IQANK1: variants seen among roughly 807,000 people sequenced by gnomAD.
The protein encoded by IQANK1 is IQ motif and ankyrin repeat domain-containing protein 1.
IQANK1 carries 30 observed loss-of-function variants against 22.6 expected under a neutral mutation model. The ratio of observed to expected loss-of-function variants is 1.33; its 90% CI spans 0.99 to 1.80. The LOEUF is 1.80. Ranked by LOEUF, IQANK1 falls within the 40% of genes most tolerant of loss-of-function variation. The pLI is 0.00. For synonymous variants in IQANK1, 122 were observed against 99.6 expected (o/e 1.23, Z -1.34); for missense variants, 275 against 235.2 (o/e 1.17, Z -1.11).
At chr8:143,788,452 G>A (rs1009941555) in intron 7 of IQANK1, among the ~76,000 whole-genome samples, 8 of 152,340 alleles carry the variant, frequency 5.3e-5, no homozygotes, top group East Asian at 3.9e-4. Context: ...AGGCAGCGGC[G>A]GCCCCAGGGA....
Position 143,774,177 on chromosome 8 carries a change from CAAA to C in IQANK1, c.789+1708_789+1710del, listed in dbSNP as rs61709186. On this transcript the variant is annotated intron_variant, in intron 7 of 13. Transcript: ENST00000527139. The surrounding 1 kb of genome is among the most constrained non-coding windows in gnomAD (Gnocchi z 4.2). Reference sequence around the variant, plus strand: ...TGGACATGACACAAAAAGCACAATCCAAAAAAAAAAAAAAACCACATTGATAAA... The same window carrying C: ...TGGACATGACACAAAAAGCACAATCCAAAAAAAAAAAACCACATTGATAAA... Among the ~76,000 whole-genome samples the C allele has an allele frequency of 5.9e-5, 8 of 136,532 alleles. No homozygotes were observed. The highest frequency in any genetic ancestry group is 1.4e-4 in the Admixed American group (2 of 14,064). The allele number at this position is 136,532 out of a possible 152,430, so 89.6% of individuals were successfully genotyped here.
chr8:143,768,054 TG>T (rs1402086894), intron 3 of IQANK1, among the ~76,000 whole-genome samples: 6 of 151,148 alleles, frequency 4.0e-5, no homozygotes, highest in Non-Finnish European at 8.9e-5. Context: ...AGCTAATTTT[TG>T]TACTTTTAGT....
chr8:143,747,169 G>GCGCC (rs1563769679), intron 3 of IQANK1, among the ~76,000 whole-genome samples: 1 of 152,154 alleles, frequency 6.6e-6, no homozygotes, highest in African/African-American at 2.4e-5. Context: ...GTGAGCCACC[G>GCGCC]CGCCCGGCCT....
rs537164119 is a variant in IQANK1 at position 143,762,966 on chromosome 8, T to C, written c.176-8522T>C. On this transcript the variant is annotated intron_variant, in intron 3 of 13. Coordinates refer to ENST00000527139, the MANE Select transcript of IQANK1 (RefSeq NM_001381874.1). The stretch of plus-strand genomic sequence containing the variant: ...TTTTTTTTTCTTTTCTCTTTTCTTT[T>C]CTTTCCTTTCCTTTCCTTTTGTTTT... Among the ~76,000 whole-genome samples the C allele has an allele frequency of 1.6e-4, 24 of 150,088 alleles. No homozygotes were observed. In the East Asian group the frequency reaches 3.1e-3, roughly 19 times the overall value.
chr8:143,788,971 G>A lies in IQANK1; in HGVS notation c.846G>A (p.Thr282=), dbSNP rs1026511816. The A allele has an allele frequency of 5.0e-6, 2 of 399,458 alleles. No homozygotes were observed. Among genetic ancestry groups the A allele is most frequent in the Non-Finnish European group, 8.8e-6 (2 of 226,356 alleles). The allele number at this position is 399,458 out of a possible 1,614,324, so 24.7% of individuals were successfully genotyped here. A position where few individuals can be genotyped will look rare whatever the true frequency, so the allele number is the denominator to read the frequency against. The change falls in exon 8 of 14, where the codon ACG becomes ACA. Residue 282 remains threonine, a synonymous_variant. Transcript: ENST00000527139. Reference sequence around the variant, plus strand: ...TGCGCTCGTGGGACCTGAGCCTCACGGAGGCCATGCTCCAGAACATGGAGG... The same window carrying A: ...TGCGCTCGTGGGACCTGAGCCTCACAGAGGCCATGCTCCAGAACATGGAGG... ...SVLRSWDLSL[T]EAMLQNMEAE... is the part of the protein sequence containing the mutation.
At chr8:143,788,643 G>A (rs1021304605) in intron 7 of IQANK1, among the ~76,000 whole-genome samples, 2 of 152,230 alleles carry the variant, frequency 1.3e-5, no homozygotes, top group African/African-American at 4.8e-5. Context: ...GGGGAAGGAA[G>A]CCCTTGGAGG....
At chr8:143,749,560 T>C (rs1225713119) in intron 3 of IQANK1, among the ~76,000 whole-genome samples, 4 of 134,284 alleles carry the variant, frequency 3.0e-5, no homozygotes, top group African/African-American at 8.3e-5. Context: ...ATATATATCA[T>C]ATATATCAAT....
intron 7 of IQANK1, among the ~76,000 whole-genome samples, chr8:143,778,879 A>G (rs1160921371): frequency 3.3e-5 from 5 of 152,196 alleles, no homozygotes; most frequent in Non-Finnish European, 7.3e-5. Flanking sequence ...CTCCTGCCTC[A>G]GCCTCCAGAG....
Position 143,741,196 on chromosome 8 carries a change from G to A in IQANK1, c.175+1248G>A, listed in dbSNP as rs910473714. Among the ~76,000 whole-genome samples, 6 of 152,314 alleles carry A rather than the reference G, an allele frequency of 3.9e-5. No individual in the cohort carries two copies. The East Asian group carries it at 9.7e-4, about 25-fold the overall frequency. On this transcript the variant is annotated intron_variant, in intron 3 of 13. Coordinates refer to ENST00000527139, the MANE Select transcript of IQANK1 (RefSeq NM_001381874.1). ...CCCCATTTTGCTTTCTGTAGTTTGA[G>A]GTGGACTCCTAGCCTTCCTCCAGGA...
intron 3 of IQANK1, among the ~76,000 whole-genome samples, chr8:143,764,541 G>T (rs1356287264): frequency 2.0e-5 from 3 of 151,830 alleles, no homozygotes; most frequent in Admixed American, 2.0e-4. Flanking sequence ...GGTCAAGGCT[G>T]CAGTGAGCCG....
chr8:143,781,597 G>A (rs1819799389), intron 7 of IQANK1, among the ~76,000 whole-genome samples: 1 of 152,154 alleles, frequency 6.6e-6, no homozygotes, highest in African/African-American at 2.4e-5. Context: ...CCCATTGCTT[G>A]TTTTTGTCAG....
chr8:143,742,845 C>G (rs782775827), intron 3 of IQANK1: 2 of 456,034 alleles, frequency 4.4e-6, no homozygotes, highest in Admixed American at 2.3e-5. Context: ...CAAACATGGC[C>G]TGTGCTGCTG....
At chr8:143,750,834 A>T (rs1295243282) in intron 3 of IQANK1, among the ~76,000 whole-genome samples, 3 of 152,172 alleles carry the variant, frequency 2.0e-5, no homozygotes, top group African/African-American at 4.8e-5. Context: ...AAAATAAAAT[A>T]AAATTAATAA....
chr8:143,763,494 G>A (rs1472856247), intron 3 of IQANK1, among the ~76,000 whole-genome samples: 1 of 152,172 alleles, frequency 6.6e-6, no homozygotes, highest in African/African-American at 2.4e-5. Context: ...GGTGGGAGGT[G>A]TTTGGATCAT....
At position 143,786,816 on chromosome 8, in the gene IQANK1, G is replaced by A. The variant is rs149656397; in HGVS notation, c.790-2099G>A. Among the ~76,000 whole-genome samples, 918 of 152,276 alleles carry A rather than the reference G, an allele frequency of 6.0e-3. 10 individuals carry two copies. Among genetic ancestry groups the A allele is most frequent in the African/African-American group, 0.021 (862 of 41,542 alleles). On this transcript the variant is annotated intron_variant, in intron 7 of 13. Coordinates refer to ENST00000527139, the MANE Select transcript of IQANK1 (RefSeq NM_001381874.1). ...GAGAACTTGGAGGGGAGGGAATGAGGGCTGTGAACGCCTGAGGAGCTTCCA... is the reference window on the plus strand; with the variant it reads ...GAGAACTTGGAGGGGAGGGAATGAGAGCTGTGAACGCCTGAGGAGCTTCCA...
At chr8:143,751,267 A>G (rs569050740) in intron 3 of IQANK1, among the ~76,000 whole-genome samples, 1 of 152,220 alleles carries the variant, frequency 6.6e-6, no homozygotes, top group South Asian at 2.1e-4. Flanking sequence ...AAGTGGAGTT[A>G]CAAACCAAAA....
intron 2 of IQANK1, among the ~76,000 whole-genome samples, chr8:143,738,697 C>T (rs547837414): frequency 2.0e-5 from 3 of 152,128 alleles, no homozygotes; most frequent in Non-Finnish European, 2.9e-5. Context: ...CAATGCCCCC[C>T]GCCCCCGCCC....
At chr8:143,759,424 T>G (rs1554628727) in intron 3 of IQANK1, 1 of 153,144 alleles carries the variant, frequency 6.5e-6, no homozygotes, top group African/African-American at 2.4e-5. Flanking sequence ...ACTCCCGCTC[T>G]TCCTGCCTGA....
chr8:143,779,707 T>C (rs2129934187), intron 7 of IQANK1, among the ~76,000 whole-genome samples: 1 of 152,384 alleles, frequency 6.6e-6, no homozygotes, highest in African/African-American at 2.4e-5. Flanking sequence ...TGGCAAGTTC[T>C]GAAGCTTATT....
Sources: gnomAD v4.1 joint callset for allele counts (sites outside exome capture counted in the v4.1 genomes callset) on GRCh38, gnomAD v4.1.1 for gene constraint, Gnocchi (gnomAD v3.1) non-coding constraint, MANE v1.5 for transcripts, NCBI Gene and HGNC (gene_info 2026-07-23, HGNC 2026-07-21) for gene names.